Variants in TMEM108 observed in about 807,000 individuals in gnomAD.
TMEM108 encodes cancer/testis antigen 124.
Under a neutral mutation model 35.1 loss-of-function variants are expected in TMEM108, and 12 were observed. The ratio of observed to expected loss-of-function variants is 0.34; its 90% CI spans 0.22 to 0.55. The LOEUF is 0.55. Among genes scored for constraint, TMEM108 ranks in the 20% least tolerant of loss-of-function variants. TMEM108 has a pLI of 0.89. For synonymous variants in TMEM108, 287 were observed against 308.6 expected, an observed-to-expected ratio of 0.93 and a Z score of 0.73; for missense variants, 680 against 753.3, an observed-to-expected ratio of 0.90 and a Z score of 1.14.
At chr3:133,226,149 A>G (rs537505419) in intron 2 of TMEM108, among the ~76,000 whole-genome samples, 1 of 152,338 alleles carries the variant, frequency 6.6e-6, no homozygotes, top group East Asian at 1.9e-4. Context: ...AAGACCTGGA[A>G]TCAATAGAAA....
chr3:133,074,496 T>C (rs1943716723), intron 2 of TMEM108: 1 of 152,162 alleles, frequency 6.6e-6, no homozygotes, highest in African/African-American at 2.4e-5. Flanking sequence ...CCTATTTTTT[T>C]GTTTGTTTTT....
At chr3:133,357,093 A>C (rs2072195331) in intron 3 of TMEM108, among the ~76,000 whole-genome samples, 1 of 152,224 alleles carries the variant, frequency 6.6e-6, no homozygotes, top group African/African-American at 2.4e-5. Flanking sequence ...AGCAAGACAA[A>C]ACCAATCCCA....
chr3:133,056,038 C>T (rs1288293690), intron 2 of TMEM108, among the ~76,000 whole-genome samples: 1 of 152,158 alleles, frequency 6.6e-6, no homozygotes, highest in East Asian at 1.9e-4. Context: ...TCTGGTGTTT[C>T]TCCACATACC....
chr3:133,251,808 G>A (rs972662944), intron 3 of TMEM108, among the ~76,000 whole-genome samples: 2 of 152,160 alleles, frequency 1.3e-5, no homozygotes, highest in Admixed American at 6.5e-5. Flanking sequence ...GGAAGGAAAT[G>A]TGAATCTTGG....
chr3:133,360,007 T>TAAAAAAAA (rs59374214), intron 3 of TMEM108, among the ~76,000 whole-genome samples: 4 of 112,922 alleles, frequency 3.5e-5, no homozygotes, highest in African/African-American at 7.1e-5. Context: ...ACTCAACAGT[T>TAAAAAAAA]AAAAAAAAAA....
intron 3 of TMEM108, among the ~76,000 whole-genome samples, chr3:133,350,109 C>T (rs2107767157): frequency 6.6e-6 from 1 of 152,178 alleles, no homozygotes; most frequent in South Asian, 2.1e-4. Context: ...TGAAGGAAAT[C>T]CTGTCCTTTG....
intron 3 of TMEM108, among the ~76,000 whole-genome samples, chr3:133,376,910 C>T (rs6776091): frequency 0.026 from 3,944 of 152,252 alleles, 151 homozygotes; most frequent in African/African-American, 0.09. Flanking sequence ...CAGAAATGTA[C>T]TTCCTCACAT....
chr3:133,282,133 GGCGACAGA>G (rs1432008325), intron 3 of TMEM108, among the ~76,000 whole-genome samples: 3 of 152,166 alleles, frequency 2.0e-5, no homozygotes, highest in African/African-American at 7.2e-5. Context: ...CTCCAGCCTG[GGCGACAGA>G]GCGAGACTCC....
chr3:133,300,446 G>A (rs1324310651), intron 3 of TMEM108, among the ~76,000 whole-genome samples: 3 of 152,000 alleles, frequency 2.0e-5, no homozygotes, highest in African/African-American at 2.4e-5. Context: ...CATGTAGCTG[G>A]GATTTGTTTT....
chr3:133,179,883 C>CAA (rs35894338), intron 2 of TMEM108, among the ~76,000 whole-genome samples: 124 of 144,214 alleles, frequency 8.6e-4, no homozygotes, highest in Non-Finnish European at 1.3e-3. Flanking sequence ...CAAGCCTTAT[C>CAA]AAAAAAAAAA....
intron 2 of TMEM108, among the ~76,000 whole-genome samples, chr3:133,216,800 A>G (rs773222226): frequency 3.5e-4 from 53 of 152,106 alleles, no homozygotes; most frequent in Non-Finnish European, 8.8e-5. Context: ...CATTGTGTGT[A>G]TATATATACC....
intron 3 of TMEM108, among the ~76,000 whole-genome samples, chr3:133,278,529 C>T (rs1427384036): frequency 6.6e-6 from 1 of 152,228 alleles, no homozygotes; most frequent in Non-Finnish European, 1.5e-5. Context: ...GTATACTACA[C>T]ACCTACGCTC....
intron 4 of TMEM108, chr3:133,386,493 T>G: frequency 6.5e-7 from 1 of 1,535,798 alleles, no homozygotes; most frequent in Non-Finnish European, 8.7e-7. Flanking sequence ...CATCTGAAAA[T>G]GGAGTGACCC....
intron 2 of TMEM108, among the ~76,000 whole-genome samples, chr3:133,086,463 G>A (rs1193394338): frequency 6.6e-6 from 1 of 152,128 alleles, no homozygotes; most frequent in Admixed American, 6.5e-5. Context: ...ACTTACACAT[G>A]CAGGATATGT....
intron 2 of TMEM108, chr3:133,125,117 G>A (rs1472104178): frequency 6.6e-6 from 1 of 152,130 alleles, no homozygotes; most frequent in Non-Finnish European, 1.5e-5. Flanking sequence ...TTAAAATAGG[G>A]CAATTTAGTG....
At chr3:133,330,985 C>T (rs2107727132) in intron 3 of TMEM108, among the ~76,000 whole-genome samples, 1 of 152,070 alleles carries the variant, frequency 6.6e-6, no homozygotes, top group Admixed American at 6.5e-5. Flanking sequence ...CTTAAAACAA[C>T]ATAGGAGAGG....
chr3:133,241,821 C>A (rs911214512), intron 3 of TMEM108, among the ~76,000 whole-genome samples: 2 of 152,016 alleles, frequency 1.3e-5, no homozygotes, highest in South Asian at 2.1e-4. Context: ...ACCATGTTGG[C>A]CAAGCTGGTC....
chr3:133,065,067 G>A (rs545209438), intron 2 of TMEM108, among the ~76,000 whole-genome samples: 4 of 152,182 alleles, frequency 2.6e-5, no homozygotes, highest in Non-Finnish European at 5.9e-5. Context: ...GTCTTACATG[G>A]TGAAGTTGGG....
rs1257184846 is a variant in TMEM108 at position 133,216,884 on chromosome 3, T to C, written c.-46-12382T>C. ...ATATCTTGACTGTTGTGAATATTGC[T>C]ACAGTGAACATGGACGTGCATATCT... On this transcript the variant is annotated intron_variant, in intron 2 of 5. Transcript: ENST00000321871. 3.9e-5 allele frequency among the ~76,000 whole-genome samples: 6 copies of C among 152,164 alleles called. No individual in the cohort carries two copies. In the South Asian group the frequency reaches 8.3e-4, roughly 21 times the overall value.
Sources: allele counts gnomAD v4.1 joint callset (sites outside exome capture counted in the v4.1 genomes callset), GRCh38; gene constraint gnomAD v4.1.1; transcripts MANE v1.5; gene names NCBI Gene and HGNC (gene_info 2026-07-23, HGNC 2026-07-21).